The following ZNRF3 variants were observed in gnomAD, a reference collection of about 807,000 sequenced individuals.
The protein encoded by ZNRF3 is zinc and ring finger 3, also known as E3 ubiquitin-protein ligase ZNRF3.
In ZNRF3, 23 loss-of-function variants were observed where a neutral mutation model predicts 72.5. The ratio of observed to expected loss-of-function variants is 0.32; its 90% CI spans 0.23 to 0.45. The LOEUF is 0.45. Among genes scored for constraint, ZNRF3 ranks in the 20% least tolerant of loss-of-function variants. The pLI is 1.00. For synonymous variants in ZNRF3, 610 were observed against 545.3 expected, an observed-to-expected ratio of 1.12 and a Z score of -1.65; for missense variants, 1,169 against 1,272.1, an observed-to-expected ratio of 0.92 and a Z score of 1.23.
At position 28,978,420 on chromosome 22, in the gene ZNRF3, C is replaced by G. The variant is rs544013473; in HGVS notation, c.301-8656C>G. The stretch of plus-strand genomic sequence containing the variant: ...GTGTGTCCCTGAGTCATCCCCAGCC[C>G]ACGTCCTGGATGGCTCCCAGAACAG... On this transcript the variant is annotated intron_variant, in intron 1 of 8. Coordinates refer to ENST00000544604, the MANE Select transcript of ZNRF3 (RefSeq NM_001206998.2). Among the ~76,000 whole-genome samples the G allele has an allele frequency of 7.9e-5, 12 of 152,302 alleles. No homozygotes were observed. The South Asian group carries it at 2.5e-3, about 32-fold the overall frequency.
At chr22:28,982,532 C>T (rs1297954693) in intron 1 of ZNRF3, among the ~76,000 whole-genome samples, 1 of 148,412 alleles carries the variant, frequency 6.7e-6, no homozygotes, top group African/African-American at 2.5e-5. Flanking sequence ...CGCCACTGCA[C>T]TCTCATCTGG....
intron 2 of ZNRF3, among the ~76,000 whole-genome samples, chr22:29,010,191 G>A (rs975458717): frequency 1.3e-5 from 2 of 152,072 alleles, no homozygotes; most frequent in East Asian, 3.9e-4. Context: ...TTACAGACAT[G>A]AGCCACCGCA....
chr22:28,917,425 G>C, intron 1 of ZNRF3: 1 of 985,452 alleles, frequency 1.0e-6, no homozygotes, highest in Non-Finnish European at 1.2e-6. Flanking sequence ...GAGCTGGGGA[G>C]TGTCCTGTGT....
chr22:28,940,068 G>C (rs529372829), intron 1 of ZNRF3, among the ~76,000 whole-genome samples: 4 of 152,166 alleles, frequency 2.6e-5, no homozygotes, highest in Non-Finnish European at 5.9e-5. Flanking sequence ...CAAAACCTCA[G>C]CAGGCCTATG....
At chr22:29,039,128 T>C (rs1268989845) in intron 2 of ZNRF3, among the ~76,000 whole-genome samples, 2 of 152,206 alleles carry the variant, frequency 1.3e-5, no homozygotes, top group African/African-American at 4.8e-5. Flanking sequence ...CACCATGTCC[T>C]AGATTTTGTG....
intron 2 of ZNRF3, among the ~76,000 whole-genome samples, chr22:29,005,280 C>T (rs949695144): frequency 1.1e-4 from 17 of 152,254 alleles, no homozygotes; most frequent in Non-Finnish European, 4.4e-5. Flanking sequence ...GCTGTGCAGC[C>T]TCACAGAAAT....
chr22:28,885,519 C>T (rs947105467), intron 1 of ZNRF3, among the ~76,000 whole-genome samples: 1 of 148,470 alleles, frequency 6.7e-6, no homozygotes, highest in Non-Finnish European at 1.5e-5. Flanking sequence ...TGCTCCTTGG[C>T]AACTTCTTGT....
Position 29,048,455 on chromosome 22 carries a change from C to T in ZNRF3, c.979C>T (p.His327Tyr). The change falls in exon 7 of 9, where the codon CAC (histidine) becomes TAC (tyrosine). Residue 327 changes from histidine (H) to tyrosine (Y), a missense_variant. His to Tyr is a moderately conservative substitution (Grantham distance 83, BLOSUM62 2). Around this residue, in one of 2 missense-constraint regions of ZNRF3, gnomAD observed 386 missense variants for 540.7 expected, o/e 0.71. Transcript: ENST00000544604. This position sits in a 1 kb window ranked among gnomAD's most constrained non-coding sequence, Gnocchi z 4.9. ...GTGCGTGGACCCCTGGCTGCTGCAG[C>T]ACCACACCTGCCCCCACTGTCGGCA... The part of the protein sequence containing the change: ...RKCVDPWLLQ[H>Y]HTCPHCRHNI... The T allele has an allele frequency of 6.2e-7, 1 of 1,614,182 alleles. No individual in the cohort carries two copies. The highest frequency in any genetic ancestry group is 1.1e-5 in the South Asian group (1 of 91,086).
At chr22:28,920,569 C>T (rs571072561) in intron 1 of ZNRF3, among the ~76,000 whole-genome samples, 1 of 152,382 alleles carries the variant, frequency 6.6e-6, no homozygotes, top group Non-Finnish European at 1.5e-5. Context: ...CAGCACCTGG[C>T]CAGCAGACTC....
At chr22:28,976,852 A>G (rs1194461649) in intron 1 of ZNRF3, among the ~76,000 whole-genome samples, 1 of 152,234 alleles carries the variant, frequency 6.6e-6, no homozygotes, top group Non-Finnish European at 1.5e-5. Context: ...TACTTAAAAA[A>G]AAATTTAACT....
chr22:29,000,673 T>C (rs966249483), intron 2 of ZNRF3, among the ~76,000 whole-genome samples: 4 of 152,062 alleles, frequency 2.6e-5, no homozygotes, highest in African/African-American at 9.7e-5. Context: ...AAGAAAGAGG[T>C]TGAATTGACT....
chr22:28,979,510 T>C (rs899126765), intron 1 of ZNRF3, among the ~76,000 whole-genome samples: 4 of 152,204 alleles, frequency 2.6e-5, no homozygotes, highest in African/African-American at 9.6e-5. Context: ...CAGCCTTTGC[T>C]CCTATACCAT....
chr22:28,939,246 T>G (rs1266426022), intron 1 of ZNRF3, among the ~76,000 whole-genome samples: 1 of 145,010 alleles, frequency 6.9e-6, no homozygotes, highest in Non-Finnish European at 1.5e-5. Flanking sequence ...ATTGTGCCAC[T>G]GCACTCCAGC....
chr22:28,917,338 A>G, intron 1 of ZNRF3: 1 of 782,466 alleles, frequency 1.3e-6, no homozygotes, highest in Non-Finnish European at 1.6e-6. Context: ...AGAGAAGCCC[A>G]TTCTGATCTA....
At chr22:28,959,691 G>A (rs945830172) in intron 1 of ZNRF3, among the ~76,000 whole-genome samples, 1 of 152,172 alleles carries the variant, frequency 6.6e-6, no homozygotes, top group Non-Finnish European at 1.5e-5. Flanking sequence ...TAACTCCCAC[G>A]GTGGTGGTAT....
chr22:28,913,355 C>T (rs1337502459), intron 1 of ZNRF3, among the ~76,000 whole-genome samples: 1 of 152,176 alleles, frequency 6.6e-6, no homozygotes, highest in Non-Finnish European at 1.5e-5. Context: ...TCTGGTACTT[C>T]CCAAATGTAC....
intron 1 of ZNRF3, among the ~76,000 whole-genome samples, chr22:28,985,317 G>C (rs929177507): frequency 1.3e-5 from 2 of 151,990 alleles, no homozygotes; most frequent in African/African-American, 4.8e-5. Context: ...CTACTCATCA[G>C]ACTGGATGCA....
intron 2 of ZNRF3, among the ~76,000 whole-genome samples, chr22:29,028,260 C>T (rs2036680664): frequency 6.6e-6 from 1 of 152,070 alleles, no homozygotes; most frequent in African/African-American, 2.4e-5. Context: ...AAGCAGGTAA[C>T]CCTGTACAAA....
chr22:28,906,602 G>A (rs2034212601), intron 1 of ZNRF3, among the ~76,000 whole-genome samples: 1 of 152,180 alleles, frequency 6.6e-6, no homozygotes, highest in Admixed American at 6.5e-5. Context: ...TATGTAAGGT[G>A]TACATTAAGT....
Sources: gnomAD v4.1 joint callset for allele counts (sites outside exome capture counted in the v4.1 genomes callset) on GRCh38, gnomAD v4.1.1 for gene constraint, gnomAD v4.1.1 regional missense constraint, Gnocchi (gnomAD v3.1) non-coding constraint, MANE v1.5 for transcripts, NCBI Gene and HGNC (gene_info 2026-07-23, HGNC 2026-07-21) for gene names.